Variants in LIG3 observed in about 807,000 individuals in gnomAD.
LIG3 encodes the protein ligase II, DNA, ATP-dependent.
LIG3 carries 58 observed loss-of-function variants against 110.9 expected under a neutral mutation model. That is an observed-to-expected ratio of 0.52 (90% CI 0.42 to 0.65). The LOEUF is 0.65. Ranked by LOEUF, LIG3 falls within the 30% of genes least tolerant of loss-of-function variation. The pLI is 0.00. For synonymous variants in LIG3, 422 were observed against 472.8 expected (o/e 0.89, Z 1.39); for missense variants, 1,094 against 1,273.8 (o/e 0.86, Z 2.15).
intron 2 of LIG3, 42 bp from the exon 3 acceptor site, chr17:34,985,946 C>G: frequency 6.3e-7 from 1 of 1,590,720 alleles, no homozygotes; most frequent in African/African-American, 1.3e-5. Flanking sequence ...TTTCAGAGAT[C>G]GTTCACTGAA....
intron 3 of LIG3, among the ~76,000 whole-genome samples, chr17:34,986,336 T>C (rs1464202993): frequency 6.6e-6 from 1 of 152,136 alleles, no homozygotes; most frequent in Non-Finnish European, 1.5e-5. Flanking sequence ...TTGGGGGTTT[T>C]TTTGAGATGA....
chr17:35,001,092 G>A (rs1273667812), intron 16 of LIG3, among the ~76,000 whole-genome samples, 165 bp from the exon 17 acceptor site: 1 of 151,796 alleles, frequency 6.6e-6, no homozygotes, highest in African/African-American at 2.4e-5. Context: ...TTTTTGTAGA[G>A]ACGGGGTTGC....
At chr17:35,002,621 G>A (rs1190393898) in intron 18 of LIG3, 47 bp from the exon 19 acceptor site, 1 of 1,589,914 alleles carries the variant, frequency 6.3e-7, no homozygotes, top group Non-Finnish European at 8.6e-7. Flanking sequence ...GAGTAGCTGG[G>A]ACTATAGGTG....
At chr17:34,989,400 T>C in intron 3 of LIG3, 66 bp from the exon 4 acceptor site, 1 of 1,419,726 alleles carries the variant, frequency 7.0e-7, no homozygotes. Context: ...TCTGTTAGTT[T>C]CCTTCCTTCC....
At chr17:35,001,631 C>T (rs1185092734) in intron 17 of LIG3, among the ~76,000 whole-genome samples, 2 of 152,176 alleles carry the variant, frequency 1.3e-5, no homozygotes, top group Admixed American at 6.5e-5. Context: ...ATTTGCAAGG[C>T]CCCACTGAGC....
In LIG3 at chr17:34,991,796, G is replaced by A. The variant is rs1423459150; in HGVS notation, c.1167G>A (p.Lys389=). 1 of 1,614,148 alleles carries A rather than the reference G, an allele frequency of 6.2e-7. No individual in the cohort carries two copies. Among genetic ancestry groups the A allele is most frequent in the South Asian group, 1.1e-5 (1 of 91,086 alleles). The change falls in exon 6 of 20, where the codon AAG becomes AAA. Residue 389 remains lysine, a synonymous_variant. Coordinates refer to ENST00000378526, the MANE Select transcript of LIG3 (RefSeq NM_013975.4). ...EFLLRLSKLT[K]EDEQQQALQD... ...TTCTGCGGCTGTCCAAGCTCACCAA[G>A]GAGGATGAGCAGCAACAGGCCCTAC...
At chr17:34,981,014 C>T (rs2090583517) in intron 1 of LIG3, 1 of 152,212 alleles carries the variant, frequency 6.6e-6, no homozygotes, top group African/African-American at 2.4e-5. Context: ...TCCTTTCTGC[C>T]TCGCCGGGGG....
chr17:34,980,633 ACG>A lies in LIG3; in HGVS notation c.-5+14_-5+15del. ...GAGCCGGAGAGGCAGGTGAGGGGCT[ACG>A]CGGCGCGGCACGGCGCGGCGGGGCC... On this transcript the variant is annotated intron_variant, in intron 1 of 19. Transcript: ENST00000378526. The A allele has an allele frequency of 7.9e-7, 1 of 1,261,638 alleles. No individual in the cohort carries two copies. The highest frequency in any genetic ancestry group is 1.6e-5 in the African/African-American group (1 of 63,514). 78.2% of individuals were successfully genotyped at this position (1,261,638 alleles called of 1,614,324 possible).
Position 34,998,225 on chromosome 17 carries a change from T to C in LIG3, c.1918T>C (p.Leu640=). The change falls in exon 13 of 20, where the codon TTG becomes CTG. Residue 640 remains leucine (L), a synonymous_variant. Coordinates refer to ENST00000378526, the MANE Select transcript of LIG3 (RefSeq NM_013975.4). ...CATCTCTCTTGTCCCTCAGAAAGCT[T>C]TGGACTTGGCTGACATGATAACCCG... ...FSEMKRVTKA[L]DLADMITRVI... The C allele has an allele frequency of 6.2e-7, 1 of 1,612,670 alleles. No individual in the cohort carries two copies. Among genetic ancestry groups the C allele is most frequent in the Non-Finnish European group, 8.5e-7 (1 of 1,179,308 alleles).
intron 13 of LIG3, 85 bp downstream of exon 13, chr17:34,998,381 G>A (rs916223652): frequency 1.3e-5 from 17 of 1,281,016 alleles, no homozygotes; most frequent in African/African-American, 3.0e-5. Flanking sequence ...AGGAGATGGC[G>A]GTGGCAGCCT....
chr17:34,989,752 C>A, intron 4 of LIG3, 89 bp downstream of exon 4: 1 of 1,240,218 alleles, frequency 8.1e-7, no homozygotes, highest in Non-Finnish European at 1.2e-6. Flanking sequence ...TATAGTTGCC[C>A]GGGATCCCAT....
In LIG3 at chr17:34,983,559, T is replaced by C; in HGVS notation, c.547+7T>C. 6.2e-7 allele frequency: 1 copy of C among 1,606,822 alleles called. No homozygotes were observed. The highest frequency in any genetic ancestry group is 8.5e-7 in the Non-Finnish European group (1 of 1,176,442). Reference sequence around the variant, plus strand: ...ATAACCCAGCACATTGCAGGTAAGGTAGAGAACACTGCTTTCTCATCTTAC... The same window carrying C: ...ATAACCCAGCACATTGCAGGTAAGGCAGAGAACACTGCTTTCTCATCTTAC... On this transcript the variant is annotated splice_region_variant and intron_variant, in intron 2 of 19. Transcript: ENST00000378526.
chr17:34,983,683 C>T (rs1478980926), intron 2 of LIG3, 131 bp downstream of exon 2: 1 of 919,528 alleles, frequency 1.1e-6, no homozygotes, highest in African/African-American at 1.7e-5. Context: ...GTTGCCTAGG[C>T]CAGTGTTTAA....
At chr17:34,998,759 C>T (rs201461077) in intron 14 of LIG3, 32 bp downstream of exon 14, 2 of 1,607,680 alleles carry the variant, frequency 1.2e-6, no homozygotes, top group East Asian at 4.5e-5. Flanking sequence ...TGGGGTGGTA[C>T]TGTTTTAGAA....
At chr17:34,998,404 G>GTGGC (rs1327652304) in intron 13 of LIG3, 108 bp downstream of exon 13, 1 of 1,152,408 alleles carries the variant, frequency 8.7e-7, no homozygotes, top group Non-Finnish European at 1.3e-6. Flanking sequence ...AGTGGTTGGG[G>GTGGC]TGGCTGCTGG....
chr17:34,994,700 A>T (rs2090760558), intron 9 of LIG3, among the ~76,000 whole-genome samples: 1 of 152,184 alleles, frequency 6.6e-6, no homozygotes, highest in Non-Finnish European at 1.5e-5. Flanking sequence ...TGATATTGGG[A>T]CAGTGAGCTC....
At chr17:34,984,753 A>G (rs911151497) in intron 2 of LIG3, among the ~76,000 whole-genome samples, 2 of 149,478 alleles carry the variant, frequency 1.3e-5, no homozygotes, top group Non-Finnish European at 3.0e-5. Context: ...TACTATGTGA[A>G]CACATTGTCA....
At chr17:34,981,541 C>T (rs548527770) in intron 1 of LIG3, 2 of 152,338 alleles carry the variant, frequency 1.3e-5, no homozygotes, top group African/African-American at 4.8e-5. Flanking sequence ...TTGTAATTTT[C>T]CCAACTACCC....
chr17:34,989,518 T>C lies in LIG3; in HGVS notation c.744T>C (p.Ser248=), dbSNP rs760500835. The C allele has an allele frequency of 6.2e-7, 1 of 1,613,588 alleles. No individual in the cohort carries two copies. Among genetic ancestry groups the C allele is most frequent in the Non-Finnish European group, 8.5e-7 (1 of 1,179,940 alleles). ...EAPSSPTPKR[S]LSSSKCDPRH... is the part of the protein sequence containing the mutation. ...CCTCGAGCCCCACCCCTAAGAGAAG[T>C]CTGTCTTCAAGCAAATGTGACCCCA... Residue 248 remains serine (S), a synonymous_variant, in exon 4 of 20, where the codon AGT becomes AGC. Transcript: ENST00000378526.
Sources: gnomAD v4.1 joint callset for allele counts (sites outside exome capture counted in the v4.1 genomes callset) on GRCh38, gnomAD v4.1.1 for gene constraint, MANE v1.5 for transcripts, NCBI Gene and HGNC (gene_info 2026-07-23, HGNC 2026-07-21) for gene names.